ABLIM1: variants seen among roughly 807,000 people sequenced by gnomAD.
ABLIM1 encodes actin-binding LIM protein 1.
Under a neutral mutation model 107.0 loss-of-function variants are expected in ABLIM1, and 40 were observed. The observed-to-expected ratio is 0.37, with a 90% confidence interval of 0.29 to 0.49. ABLIM1 has a LOEUF of 0.49. ABLIM1 is among the 20% of genes least tolerant of loss of function. The pLI is 0.97. For missense variants in ABLIM1, 857 were observed against 1,008.5 expected, an observed-to-expected ratio of 0.85 and a Z score of 2.04; for synonymous variants, 357 against 357.3, an observed-to-expected ratio of 1.00 and a Z score of 0.01.
At chr10:114,536,626 T>G (rs1252735175) in intron 6 of ABLIM1, among the ~76,000 whole-genome samples, 1 of 152,192 alleles carries the variant, frequency 6.6e-6, no homozygotes, top group Non-Finnish European at 1.5e-5. Context: ...TTTTTATGGC[T>G]GAATAATATT....
chr10:114,761,907 C>A (rs1312009800), intron 1 of ABLIM1, among the ~76,000 whole-genome samples: 1 of 152,076 alleles, frequency 6.6e-6, no homozygotes, highest in Non-Finnish European at 1.5e-5. Context: ...GAAGCCTCAC[C>A]TGATATGGTT....
At chr10:114,781,628 A>G in the ABLIM1 span, among the ~76,000 whole-genome samples, 1 of 147,958 alleles carries the variant, frequency 6.8e-6, no homozygotes, top group South Asian at 2.1e-4. Context: ...GTATATACAT[A>G]TATATGCACG....
chr10:114,797,079 C>T, the ABLIM1 span, among the ~76,000 whole-genome samples: 1 of 152,220 alleles, frequency 6.6e-6, no homozygotes, highest in South Asian at 2.1e-4. Context: ...TCATCTCACT[C>T]TCTCACCGTA....
intron 4 of ABLIM1, among the ~76,000 whole-genome samples, chr10:114,557,671 G>GTTTT (rs61108195): frequency 6.5e-4 from 47 of 72,436 alleles, no homozygotes; most frequent in East Asian, 1.2e-3. Flanking sequence ...ATAGTGAGGT[G>GTTTT]TTTTTTTTTT....
chr10:114,566,981 A>G (rs1319037901), intron 4 of ABLIM1, among the ~76,000 whole-genome samples: 1 of 152,174 alleles, frequency 6.6e-6, no homozygotes, highest in Non-Finnish European at 1.5e-5. Context: ...CCTGGGAGGC[A>G]GAGGTTGCAA....
intron 6 of ABLIM1, among the ~76,000 whole-genome samples, chr10:114,510,819 T>G (rs1299935772): frequency 6.6e-6 from 1 of 151,682 alleles, no homozygotes; most frequent in Non-Finnish European, 1.5e-5. Context: ...CCCAGCTAAC[T>G]TTTTGTATTT....
intron 5 of ABLIM1, among the ~76,000 whole-genome samples, chr10:114,545,647 C>T (rs113303085): frequency 1.1e-3 from 174 of 152,004 alleles, no homozygotes; most frequent in African/African-American, 3.8e-3. Flanking sequence ...CACTGAGGCC[C>T]GGCACGGTGG....
chr10:114,575,559 C>T lies in ABLIM1; in HGVS notation c.420G>A (p.Lys140=). 1 of 1,614,196 alleles carries T rather than the reference C, an allele frequency of 6.2e-7. No homozygotes were observed. Among genetic ancestry groups the T allele is most frequent in the Non-Finnish European group, 8.5e-7 (1 of 1,180,018 alleles). The change falls in exon 3 of 23, where the codon AAG becomes AAA. Residue 140 remains lysine (K), a synonymous_variant. Transcript: ENST00000533213. The stretch of plus-strand genomic sequence containing the variant: ...CCAGGGTGCAGAGATACTCTCCGTT[C>T]TTTATGAAGAAGCCCCCTTGTGCCA... ...CDLAQGGFFI[K]NGEYLCTLDY... is the part of the protein sequence containing the mutation.
chr10:114,565,788 C>CTTTT (rs577896964), intron 4 of ABLIM1, among the ~76,000 whole-genome samples: 1,890 of 100,806 alleles, frequency 0.019, 345 homozygotes, highest in African/African-American at 0.059. Flanking sequence ...GAAATGATTT[C>CTTTT]TTTTTTTTTT....
chr10:114,436,376 G>A lies in ABLIM1; in HGVS notation c.2224-3C>T. 6.3e-7 allele frequency: 1 copy of A among 1,599,992 alleles called. No individual in the cohort carries two copies. Among genetic ancestry groups the A allele is most frequent in the Non-Finnish European group, 8.5e-7 (1 of 1,174,750 alleles). On this transcript the variant is annotated splice_polypyrimidine_tract_variant and splice_region_variant and intron_variant, in intron 22 of 22. Coordinates refer to ENST00000533213, the MANE Select transcript of ABLIM1 (RefSeq NM_002313.7). ...AACACTTCAGGGGCTAAGTGGCGCT[G>A]GGAAGAAGAAAAAAAAAAAAGAGCT...
At chr10:114,478,131 T>G (rs540245249) in intron 8 of ABLIM1, among the ~76,000 whole-genome samples, 6 of 152,368 alleles carry the variant, frequency 3.9e-5, no homozygotes, top group African/African-American at 1.4e-4. Context: ...CTAAAGATTT[T>G]AAAAGTTATT....
chr10:114,533,446 G>C (rs2065657007), intron 6 of ABLIM1, among the ~76,000 whole-genome samples: 1 of 152,126 alleles, frequency 6.6e-6, no homozygotes, highest in Non-Finnish European at 1.5e-5. Flanking sequence ...CAAATCACAT[G>C]CTTAAAATCA....
At chr10:114,734,346 A>T (rs1435545211) in intron 1 of ABLIM1, among the ~76,000 whole-genome samples, 2 of 152,222 alleles carry the variant, frequency 1.3e-5, no homozygotes, top group Non-Finnish European at 2.9e-5. Context: ...CTTTCTGTTT[A>T]CACAGCTAAA....
intron 8 of ABLIM1, among the ~76,000 whole-genome samples, chr10:114,483,951 G>A (rs1253336878): frequency 6.6e-6 from 1 of 152,160 alleles, no homozygotes; most frequent in African/African-American, 2.4e-5. Context: ...TCTCCAGCCT[G>A]GCTGTTCCTC....
chr10:114,491,012 G>GTGTGTGTGTGTGTGTATGTATATATA lies in ABLIM1; in HGVS notation c.982+778_982+779insTATATATACATACACACACACACACA. ...TGTGTGTGTGTGTGTGTGTGTGTGT[G>GTGTGTGTGTGTGTGTATGTATATATA]TATATATATATATGGTCTATTTTAT... is the stretch of plus-strand genomic sequence containing the variant. On this transcript the variant is annotated intron_variant, in intron 7 of 22. Coordinates refer to ENST00000533213, the MANE Select transcript of ABLIM1 (RefSeq NM_002313.7). Among the ~76,000 whole-genome samples, 256 of 92,384 alleles carry GTGTGTGTGTGTGTGTATGTATATATA rather than the reference G, an allele frequency of 2.8e-3. 5 individuals carry two copies. Among genetic ancestry groups the GTGTGTGTGTGTGTGTATGTATATATA allele is most frequent in the African/African-American group, 0.012 (250 of 21,698 alleles). The allele number at this position is 92,384 out of a possible 152,430, so 60.6% of individuals were successfully genotyped here. A position where few individuals can be genotyped will look rare whatever the true frequency, so the allele number is the denominator to read the frequency against.
At chr10:114,479,602 T>G (rs2057034355) in intron 8 of ABLIM1, among the ~76,000 whole-genome samples, 1 of 152,172 alleles carries the variant, frequency 6.6e-6, no homozygotes, top group Admixed American at 6.5e-5. Flanking sequence ...GCCAGGACAG[T>G]TCCTGGTTTG....
chr10:114,440,032 T>C, intron 20 of ABLIM1, 50 bp downstream of exon 20: 3 of 1,613,642 alleles, frequency 1.9e-6, no homozygotes, highest in South Asian at 1.1e-5. Context: ...GGTTGGAACA[T>C]GGCTGTTCTA....
At chr10:114,516,050 C>A (rs141525178) in intron 6 of ABLIM1, among the ~76,000 whole-genome samples, 2 of 152,064 alleles carry the variant, frequency 1.3e-5, no homozygotes, top group South Asian at 2.1e-4. Context: ...CTGTCCCTTG[C>A]GACCAAAGCC....
intron 1 of ABLIM1, among the ~76,000 whole-genome samples, chr10:114,622,877 C>G (rs933629028): frequency 7.9e-5 from 12 of 152,206 alleles, no homozygotes; most frequent in Non-Finnish European, 1.2e-4. Flanking sequence ...ACACTCCAAG[C>G]CTAAACAACA....
Sources: gnomAD v4.1 joint callset for allele counts (sites outside exome capture counted in the v4.1 genomes callset) on GRCh38, gnomAD v4.1.1 for gene constraint, MANE v1.5 for transcripts, NCBI Gene and HGNC (gene_info 2026-07-23, HGNC 2026-07-21) for gene names.